ATP9B: variants seen among roughly 807,000 people sequenced by gnomAD.
ATP9B encodes the protein ATPase phospholipid transporting 9B.
Under a neutral mutation model 146.1 loss-of-function variants are expected in ATP9B, and 110 were observed. That is an observed-to-expected ratio of 0.75 (90% CI 0.65 to 0.88). The LOEUF is 0.88. Ranked by LOEUF, ATP9B falls within the 40% of genes least tolerant of loss-of-function variation. The probability of loss-of-function intolerance (pLI) is 0.00; values close to 1 mark genes in which losing one functional copy is unlikely to be tolerated. For missense variants in ATP9B, 1,499 were observed against 1,496.4 expected, an observed-to-expected ratio of 1.00 and a Z score of -0.03; for synonymous variants, 604 against 569.7, an observed-to-expected ratio of 1.06 and a Z score of -0.86.
At chr18:79,108,822 T>C (rs1247777221) in intron 2 of ATP9B, among the ~76,000 whole-genome samples, 1 of 152,168 alleles carries the variant, frequency 6.6e-6, no homozygotes, top group African/African-American at 2.4e-5. Context: ...CCAACTTCAG[T>C]TGAGACACAC....
intron 6 of ATP9B, among the ~76,000 whole-genome samples, chr18:79,149,484 AAAT>A (rs2094648178): frequency 6.6e-6 from 1 of 152,192 alleles, no homozygotes. Flanking sequence ...TAGAAAAAAA[AAAT>A]ATTTAGAATC....
chr18:79,319,181 A>G (rs2096700329), intron 15 of ATP9B, among the ~76,000 whole-genome samples: 1 of 152,222 alleles, frequency 6.6e-6, no homozygotes. Context: ...GGCAAGTTGG[A>G]GACCCATGTC....
intron 10 of ATP9B, among the ~76,000 whole-genome samples, chr18:79,211,767 T>TGTG (rs2095586246): frequency 6.6e-6 from 1 of 152,204 alleles, no homozygotes; most frequent in African/African-American, 2.4e-5. Flanking sequence ...ACTGGTTTGT[T>TGTG]GTTGTGGTTG....
At chr18:79,365,699 G>A (rs560358818) in intron 26 of ATP9B, among the ~76,000 whole-genome samples, 74 of 151,756 alleles carry the variant, frequency 4.9e-4, no homozygotes, top group Non-Finnish European at 9.0e-4. Flanking sequence ...CAGCTCCCGC[G>A]TGATGGAAGG....
In ATP9B at chr18:79,320,313, G is replaced by A. The variant is rs116415709; in HGVS notation, c.1774-8828G>A. ...CGCAGCGGAGGCGCAGTGCGAGTAC[G>A]TCCTCTGCCAGGGGAAGGGGAGGGG... On this transcript the variant is annotated intron_variant, in intron 15 of 29. Transcript: ENST00000426216. Among the ~76,000 whole-genome samples the A allele has an allele frequency of 1.4e-3, 206 of 152,250 alleles. 4 individuals carry two copies. The highest frequency in any genetic ancestry group is 4.8e-3 in the African/African-American group (199 of 41,556).
chr18:79,250,959 G>A (rs540645329), intron 11 of ATP9B, among the ~76,000 whole-genome samples: 4 of 152,336 alleles, frequency 2.6e-5, no homozygotes, highest in Non-Finnish European at 4.4e-5. Flanking sequence ...GTGCTTTCTT[G>A]GGAGAATATA....
intron 28 of ATP9B, among the ~76,000 whole-genome samples, chr18:79,375,170 GCTT>G (rs2097095885): frequency 6.6e-6 from 1 of 152,218 alleles, no homozygotes; most frequent in South Asian, 2.1e-4. Flanking sequence ...CAAGGTGTGT[GCTT>G]CTCAGACACA....
intron 5 of ATP9B, among the ~76,000 whole-genome samples, chr18:79,135,631 C>T (rs1047255200): frequency 2.0e-5 from 3 of 152,188 alleles, no homozygotes; most frequent in African/African-American, 7.2e-5. Context: ...TTCCTAGCCC[C>T]TTCGATCTTC....
At chr18:79,303,270 G>A (rs915936907) in intron 13 of ATP9B, among the ~76,000 whole-genome samples, 1 of 152,098 alleles carries the variant, frequency 6.6e-6, no homozygotes, top group African/African-American at 2.4e-5. Context: ...GCTGAGGCAG[G>A]TGGATCACTT....
chr18:79,107,915 G>A (rs987363554), intron 2 of ATP9B, among the ~76,000 whole-genome samples: 3 of 152,196 alleles, frequency 2.0e-5, no homozygotes, highest in Non-Finnish European at 4.4e-5. Flanking sequence ...TCACTTGCCT[G>A]TGGGACCTCC....
intron 9 of ATP9B, among the ~76,000 whole-genome samples, chr18:79,205,717 A>G (rs2095527622): frequency 3.3e-5 from 5 of 152,150 alleles, no homozygotes; most frequent in Non-Finnish European, 5.9e-5. Flanking sequence ...CATTACCGAA[A>G]TGTAGGCCAT....
intron 8 of ATP9B, among the ~76,000 whole-genome samples, chr18:79,178,893 T>C (rs1201313452): frequency 1.3e-5 from 2 of 152,248 alleles, no homozygotes; most frequent in Non-Finnish European, 2.9e-5. Context: ...GGGGAGTCTT[T>C]TTGCCTCCTG....
At chr18:79,358,892 T>C (rs28522247) in intron 25 of ATP9B, among the ~76,000 whole-genome samples, 59,279 of 124,220 alleles carry the variant, frequency 0.48, 13,971 homozygotes, top group East Asian at 0.67. Context: ...TGTGAGGGAC[T>C]CTGTGTGAGG....
At position 79,069,544 on chromosome 18, in the gene ATP9B, A is replaced by G. The variant is rs1160176704; in HGVS notation, c.119+15A>G. 7.6e-7 allele frequency: 1 copy of G among 1,321,982 alleles called. No homozygotes were observed. Among genetic ancestry groups the G allele is most frequent in the Non-Finnish European group, 9.7e-7 (1 of 1,033,426 alleles). 81.9% of individuals were successfully genotyped at this position (1,321,982 alleles called of 1,614,324 possible). ...CGGCACAGCAGGTAACCGAGGCGGC[A>G]CTGGCCCCGTTCCCCGCCGACGCTC... On this transcript the variant is annotated intron_variant, in intron 1 of 29. Transcript: ENST00000426216.
At chr18:79,311,917 A>G (rs1198237892) in intron 15 of ATP9B, among the ~76,000 whole-genome samples, 1 of 152,120 alleles carries the variant, frequency 6.6e-6, no homozygotes, top group African/African-American at 2.4e-5. Flanking sequence ...TTTCGTGAGA[A>G]TCTCTGTCCC....
At chr18:79,084,492 C>T (rs1253646531) in intron 1 of ATP9B, among the ~76,000 whole-genome samples, 1 of 151,464 alleles carries the variant, frequency 6.6e-6, no homozygotes, top group Non-Finnish European at 1.5e-5. Flanking sequence ...AATTCACTTC[C>T]CAATTTAAAC....
At chr18:79,256,286 T>TATATATATATATATACACACACAC (rs398033647) in intron 12 of ATP9B, among the ~76,000 whole-genome samples, 1,615 of 122,732 alleles carry the variant, frequency 0.013, 60 homozygotes, top group Non-Finnish European at 0.022. Context: ...TATATATATA[T>TATATATATATATATACACACACAC]ACATACATAG....
intron 4 of ATP9B, among the ~76,000 whole-genome samples, chr18:79,118,592 G>T (rs2094134875): frequency 6.6e-6 from 1 of 151,216 alleles, no homozygotes; most frequent in Admixed American, 6.6e-5. Flanking sequence ...AGTAGAGATG[G>T]GGTTTTACCA....
intron 9 of ATP9B, among the ~76,000 whole-genome samples, chr18:79,203,837 G>A (rs984740474): frequency 6.6e-6 from 1 of 152,178 alleles, no homozygotes; most frequent in African/African-American, 2.4e-5. Flanking sequence ...TAGGAATGAG[G>A]ATGTCTATCT....
Sources: allele counts gnomAD v4.1 joint callset (sites outside exome capture counted in the v4.1 genomes callset), GRCh38; gene constraint gnomAD v4.1.1; transcripts MANE v1.5; gene names NCBI Gene and HGNC (gene_info 2026-07-23, HGNC 2026-07-21).